ADAMTSL1: variants seen among roughly 807,000 people sequenced by gnomAD.
ADAMTSL1 encodes the protein ADAMTS like 1.
A neutral mutation model predicts 201.8 loss-of-function variants in ADAMTSL1; 126 were observed. The observed-to-expected ratio is 0.62, with a 90% CI of 0.54 to 0.72. ADAMTSL1 has a LOEUF of 0.72. ADAMTSL1 is among the 30% of genes least tolerant of loss of function. The probability of loss-of-function intolerance (pLI) is 0.00; values close to 1 mark genes in which losing one functional copy is unlikely to be tolerated. For missense variants in ADAMTSL1, 2,679 were observed against 2,277.8 expected (o/e 1.18, Z -3.59); for synonymous variants, 1,121 against 903.4 (o/e 1.24, Z -4.32).
At chr9:18,132,504 G>T (rs1433621497) in intron 1 of ADAMTSL1, among the ~76,000 whole-genome samples, 1 of 152,078 alleles carries the variant, frequency 6.6e-6, no homozygotes, top group East Asian at 1.9e-4. Flanking sequence ...GCTCTTCAGG[G>T]TGATCTGCCA....
chr9:18,214,548 A>G (rs1829994987), intron 2 of ADAMTSL1, among the ~76,000 whole-genome samples: 1 of 152,220 alleles, frequency 6.6e-6, no homozygotes, highest in South Asian at 2.1e-4. Context: ...TTAAATTTAG[A>G]AAAGATATAC....
At chr9:18,908,238 G>GGTGCCACCCCTGCT in intron 28 of ADAMTSL1, 1 of 587,036 alleles carries the variant, frequency 1.7e-6, no homozygotes, top group Non-Finnish European at 3.1e-6. Flanking sequence ...GCTGCAGGCT[G>GGTGCCACCCCTGCT]GTGCCACCCC....
At chr9:18,468,387 TC>T (rs796642930) in intron 2 of ADAMTSL1, among the ~76,000 whole-genome samples, 45 of 152,322 alleles carry the variant, frequency 3.0e-4, no homozygotes, top group African/African-American at 1.0e-3. Context: ...ATAATATTTT[TC>T]CCAGAGTTTC....
At chr9:18,030,494 A>G (rs902662071) in intron 1 of ADAMTSL1, among the ~76,000 whole-genome samples, 52 of 152,150 alleles carry the variant, frequency 3.4e-4, no homozygotes, top group African/African-American at 1.2e-3. Context: ...TGGCACATGT[A>G]TACATATGTA....
At position 18,697,141 on chromosome 9, in the gene ADAMTSL1, C is replaced by A. The variant is rs568571985; in HGVS notation, c.1575-9606C>A. Among the ~76,000 whole-genome samples, 8 of 152,072 alleles carry A rather than the reference C, an allele frequency of 5.3e-5. No homozygotes were observed. The South Asian group carries it at 8.3e-4, about 16-fold the overall frequency. The stretch of plus-strand genomic sequence containing the variant: ...TCGTGATCTGCCCACCTCAGCCCCC[C>A]CAAGTGCTGGGATTACAGGTGTGAG... On this transcript the variant is annotated intron_variant, in intron 13 of 28. Coordinates refer to ENST00000380548, the MANE Select transcript of ADAMTSL1 (RefSeq NM_001040272.6).
Position 18,503,419 on chromosome 9 carries a change from G to GTATATATATATATATATATATATATATA in ADAMTSL1, c.64-1409_64-1408insATATATATATATATATATATATATATAT, listed in dbSNP as rs1206500089. On this transcript the variant is annotated intron_variant, in intron 1 of 28. Transcript: ENST00000380548. ...TTTTAAGGCTGAATAGTATTCCATTGTGTATATATATATATATATATACCA... is the reference window on the plus strand; with the variant it reads ...TTTTAAGGCTGAATAGTATTCCATTGTATATATATATATATATATATATATATATGTATATATATATATATATATACCA... Among the ~76,000 whole-genome samples the GTATATATATATATATATATATATATATA allele has an allele frequency of 1.2e-4, 7 of 58,240 alleles. 1 individual carries two copies. The highest frequency in any genetic ancestry group is 4.0e-4 in the African/African-American group (7 of 17,380). 38.2% of individuals were successfully genotyped at this position (58,240 alleles called of 152,430 possible).
At chr9:18,425,041 A>G (rs1819144008) in intron 2 of ADAMTSL1, among the ~76,000 whole-genome samples, 1 of 152,216 alleles carries the variant, frequency 6.6e-6, no homozygotes, top group South Asian at 2.1e-4. Context: ...TACAATGTTT[A>G]CAAACACTAC....
intron 2 of ADAMTSL1, among the ~76,000 whole-genome samples, chr9:18,397,796 C>G (rs1438321751): frequency 6.6e-6 from 1 of 152,082 alleles, no homozygotes; most frequent in Non-Finnish European, 1.5e-5. Context: ...TTCTTAACTT[C>G]TAAAGGTTTG....
At chr9:18,261,981 A>C (rs1217414853) in intron 2 of ADAMTSL1, among the ~76,000 whole-genome samples, 3 of 152,182 alleles carry the variant, frequency 2.0e-5, no homozygotes, top group Admixed American at 6.5e-5. Context: ...AAATATGTGA[A>C]TTTCCCATCT....
At chr9:18,880,757 G>T (rs1828474756) in intron 23 of ADAMTSL1, among the ~76,000 whole-genome samples, 2 of 152,172 alleles carry the variant, frequency 1.3e-5, no homozygotes, top group Non-Finnish European at 2.9e-5. Context: ...TAACAAGAGA[G>T]TCAGCCTGTC....
At chr9:18,449,134 G>T (rs916826258) in intron 2 of ADAMTSL1, among the ~76,000 whole-genome samples, 1 of 151,806 alleles carries the variant, frequency 6.6e-6, no homozygotes, top group African/African-American at 2.4e-5. Context: ...TATATAAAAA[G>T]CATGAGTTGG....
chr9:18,643,238 T>C (rs1399184114), intron 7 of ADAMTSL1, among the ~76,000 whole-genome samples: 1 of 152,110 alleles, frequency 6.6e-6, no homozygotes, highest in Non-Finnish European at 1.5e-5. Flanking sequence ...GAAAAGTCTA[T>C]TCAGATCCTT....
chr9:18,235,567 A>T lies in ADAMTSL1; in HGVS notation c.207+71586A>T, dbSNP rs542304592. On this transcript the variant is annotated intron_variant, in intron 2 of 29. Transcript: ENST00000680146. ...CTCTAATAATTAATAGAATACTGAGAATTTGCCAACCAGACATTGGGCTAA... is the reference window on the plus strand; with the variant it reads ...CTCTAATAATTAATAGAATACTGAGTATTTGCCAACCAGACATTGGGCTAA... Among the ~76,000 whole-genome samples the T allele has an allele frequency of 9.7e-4, 147 of 152,322 alleles. No homozygotes were observed. The Middle Eastern group carries it at 0.01, about 11-fold the overall frequency.
intron 2 of ADAMTSL1, among the ~76,000 whole-genome samples, chr9:18,454,681 G>C (rs1384450966): frequency 6.6e-6 from 1 of 152,002 alleles, no homozygotes; most frequent in Non-Finnish European, 1.5e-5. Flanking sequence ...CATTATTTCT[G>C]GCCCTTAATT....
intron 1 of ADAMTSL1, among the ~76,000 whole-genome samples, chr9:17,973,119 G>T (rs1347762565): frequency 1.5e-5 from 2 of 129,966 alleles, no homozygotes; most frequent in African/African-American, 5.6e-5. Context: ...TAGGTTGCCT[G>T]TTCACTCTGA....
chr9:18,073,166 C>T (rs1178228291), intron 1 of ADAMTSL1, among the ~76,000 whole-genome samples: 1 of 152,142 alleles, frequency 6.6e-6, no homozygotes, highest in East Asian at 1.9e-4. Flanking sequence ...TCCAGGATTA[C>T]TTGTAATTCC....
chr9:17,923,432 G>T (rs1254310274), intron 1 of ADAMTSL1, among the ~76,000 whole-genome samples: 1 of 147,284 alleles, frequency 6.8e-6, no homozygotes, highest in East Asian at 2.0e-4. Flanking sequence ...TCATGATTTG[G>T]CTCTCTGTTT....
chr9:18,429,789 T>C (rs1414881522), intron 2 of ADAMTSL1, among the ~76,000 whole-genome samples: 3 of 152,024 alleles, frequency 2.0e-5, no homozygotes, highest in Non-Finnish European at 4.4e-5. Flanking sequence ...TTGATTTTTG[T>C]TTTTGTTTTT....
intron 20 of ADAMTSL1, among the ~76,000 whole-genome samples, chr9:18,812,852 C>G (rs1484498258): frequency 6.6e-6 from 1 of 151,862 alleles, no homozygotes; most frequent in East Asian, 1.9e-4. Flanking sequence ...TCTGAGTTCT[C>G]TATTCTGTTC....
Sources: gnomAD v4.1 joint callset for allele counts (sites outside exome capture counted in the v4.1 genomes callset) on GRCh38, gnomAD v4.1.1 for gene constraint, MANE v1.5 for transcripts, NCBI Gene and HGNC (gene_info 2026-07-23, HGNC 2026-07-21) for gene names.